The following NRG4 variants were observed in gnomAD, a reference collection of about 807,000 sequenced individuals.
NRG4 encodes the protein pro-neuregulin-4, membrane-bound isoform.
Under a neutral mutation model 15.0 loss-of-function variants are expected in NRG4, and 10 were observed. That is an observed-to-expected ratio of 0.67 (90% CI 0.41 to 1.13). The LOEUF is 1.13. Among genes scored for constraint, NRG4 ranks in the 50% most tolerant of loss-of-function variants. The pLI, the probability that NRG4 is intolerant of heterozygous loss-of-function variation, is 0.00. For synonymous variants in NRG4, 41 were observed against 50.1 expected, an observed-to-expected ratio of 0.82 and a Z score of 0.77; for missense variants, 139 against 140.2, an observed-to-expected ratio of 0.99 and a Z score of 0.04.
chr15:75,985,561 T>C (rs1234997986), intron 3 of NRG4, among the ~76,000 whole-genome samples: 1 of 152,210 alleles, frequency 6.6e-6, no homozygotes, highest in Non-Finnish European at 1.5e-5. Flanking sequence ...ACAATGCTTA[T>C]ACAGTTCAGG....
chr15:76,044,559 G>C (rs1010454586), intron 4 of NRG4, among the ~76,000 whole-genome samples: 7 of 150,140 alleles, frequency 4.7e-5, no homozygotes, highest in African/African-American at 1.7e-4. Flanking sequence ...GAGTAGGCCG[G>C]GTGCAGTGGC....
chr15:76,043,391 T>G (rs1177819316), intron 4 of NRG4, among the ~76,000 whole-genome samples: 1 of 152,178 alleles, frequency 6.6e-6, no homozygotes, highest in Non-Finnish European at 1.5e-5. Context: ...GATCTTATAC[T>G]TGGAAAAACC....
In NRG4 at chr15:75,991,427, G is replaced by A. The variant is rs74891118; in HGVS notation, c.104+17773C>T. On this transcript the variant is annotated intron_variant, in intron 3 of 5. Transcript: ENST00000394907. ...GCGATGGGCAAGATTTAGCCCATGG[G>A]TCATAGTTTGCTGATCTTTGCCCTA... is the stretch of plus-strand genomic sequence containing the variant. 9.9e-3 allele frequency among the ~76,000 whole-genome samples: 1,504 copies of A among 152,238 alleles called. 28 individuals are homozygous for A. Among genetic ancestry groups the A allele is most frequent in the African/African-American group, 0.033 (1,390 of 41,526 alleles).
At chr15:76,007,167 G>A (rs1034467902) in intron 3 of NRG4, among the ~76,000 whole-genome samples, 8 of 150,982 alleles carry the variant, frequency 5.3e-5, no homozygotes, top group Non-Finnish European at 1.0e-4. Context: ...TCATTGAGTC[G>A]AAGAATAAAG....
intron 4 of NRG4, among the ~76,000 whole-genome samples, chr15:76,048,471 CAA>C (rs35429006): frequency 0.046 from 3,438 of 73,936 alleles, 174 homozygotes; most frequent in African/African-American, 0.16. Flanking sequence ...GACTCTGACT[CAA>C]AAAAAAAAAA....
intron 3 of NRG4, among the ~76,000 whole-genome samples, chr15:76,005,014 A>G (rs752219071): frequency 2.0e-5 from 3 of 152,284 alleles, no homozygotes; most frequent in Non-Finnish European, 2.9e-5. Flanking sequence ...CACATATTTT[A>G]TATGTTTTAT....
intron 3 of NRG4, among the ~76,000 whole-genome samples, chr15:75,989,934 T>C (rs551772223): frequency 5.9e-5 from 9 of 152,182 alleles, no homozygotes; most frequent in Admixed American, 1.3e-4. Context: ...TTGATTCTTT[T>C]AAGGCTTGGT....
chr15:75,979,819 G>A (rs2033531088), intron 3 of NRG4, among the ~76,000 whole-genome samples: 1 of 151,994 alleles, frequency 6.6e-6, no homozygotes, highest in South Asian at 2.1e-4. Context: ...TCCTATATAT[G>A]CCCATTCTCA....
chr15:76,038,468 C>G (rs1945754888), intron 4 of NRG4, among the ~76,000 whole-genome samples: 4 of 152,190 alleles, frequency 2.6e-5, no homozygotes, highest in Admixed American at 6.5e-5. Flanking sequence ...TTGGTGGTAG[C>G]CTGGCAGTAC....
chr15:76,040,729 A>C (rs1160856369), intron 4 of NRG4, among the ~76,000 whole-genome samples: 2 of 152,216 alleles, frequency 1.3e-5, no homozygotes, highest in South Asian at 2.1e-4. Flanking sequence ...GTTCGAGACC[A>C]GCCTGGCCAA....
chr15:76,044,806 AC>A (rs750927929), intron 4 of NRG4, among the ~76,000 whole-genome samples: 9 of 146,026 alleles, frequency 6.2e-5, no homozygotes, highest in Non-Finnish European at 1.3e-4. Context: ...ATACCACTGC[AC>A]TCCAACCTGG....
At chr15:76,051,131 A>T (rs979653409) in intron 4 of NRG4, among the ~76,000 whole-genome samples, 24 of 146,714 alleles carry the variant, frequency 1.6e-4, no homozygotes, top group Admixed American at 1.6e-3. Context: ...TCAGCCTCCC[A>T]AGTAGCTGGG....
upstream of NRG4, among the ~76,000 whole-genome samples, chr15:76,013,340 T>A (rs942311644): frequency 5.3e-5 from 8 of 150,794 alleles, 1 homozygote; most frequent in African/African-American, 4.9e-5. Context: ...AAAAAAAAAA[T>A]GTTCATTATT....
chr15:76,012,855 C>T (rs1002881345), upstream of NRG4, among the ~76,000 whole-genome samples: 2 of 152,126 alleles, frequency 1.3e-5, no homozygotes, highest in East Asian at 3.9e-4. Context: ...AAGGTAATAG[C>T]TATAATAAAA....
chr15:75,956,997 G>C (rs1424998369), intron 4 of NRG4, among the ~76,000 whole-genome samples: 1 of 151,550 alleles, frequency 6.6e-6, no homozygotes, highest in African/African-American at 2.4e-5. Flanking sequence ...TATACACTTT[G>C]ATTTTCTATT....
At chr15:76,009,383 T>G in intron 2 of NRG4, 90 bp from the exon 3 acceptor site, 1 of 582,860 alleles carries the variant, frequency 1.7e-6, no homozygotes, top group Non-Finnish European at 3.0e-6. Context: ...TAAACTGAAG[T>G]AGCAATTCTG....
At chr15:76,021,893 AT>A (rs1312734106) in intron 5 of NRG4, among the ~76,000 whole-genome samples, 3 of 152,114 alleles carry the variant, frequency 2.0e-5, no homozygotes, top group South Asian at 2.1e-4. Flanking sequence ...ATGGAAGACA[AT>A]TTTTCCATGG....
At position 76,050,808 on chromosome 15, in the gene NRG4, AT is replaced by A. The variant is rs1253621582; in HGVS notation, c.-105+1258del. Among the ~76,000 whole-genome samples, 425 of 138,074 alleles carry A rather than the reference AT, an allele frequency of 3.1e-3. 12 individuals are homozygous for A. The highest frequency in any genetic ancestry group is 7.9e-3 in the African/African-American group (289 of 36,358). 90.6% of individuals were successfully genotyped at this position (138,074 alleles called of 152,430 possible). On this transcript the variant is annotated intron_variant, in intron 4 of 8. Coordinates refer to the NRG4 transcript ENST00000563910. ...TCCAGACTCCTGTTCTCCAAAACTA[AT>A]TTTTTTTTTTTTAAGATATGGGGTC...
chr15:76,050,437 GT>G lies in NRG4; in HGVS notation c.-105+1629del, dbSNP rs71444951. Reference sequence around the variant, plus strand: ...AGCATTATTGTCACCCCGAGCCTTCGTTTTTTTTTTTTTTTTTTTTTTGAAA... The same window carrying G: ...AGCATTATTGTCACCCCGAGCCTTCGTTTTTTTTTTTTTTTTTTTTTGAAA... On this transcript the variant is annotated intron_variant, in intron 4 of 8. Transcript: ENST00000563910. 3.8e-3 allele frequency among the ~76,000 whole-genome samples: 353 copies of G among 91,864 alleles called. 2 individuals are homozygous for G. Among genetic ancestry groups the G allele is most frequent in the South Asian group, 0.023 (59 of 2,536 alleles). The allele number at this position is 91,864 out of a possible 152,430, so 60.3% of individuals were successfully genotyped here. A position where few individuals can be genotyped will look rare whatever the true frequency, so the allele number is the denominator to read the frequency against.
Sources: allele counts gnomAD v4.1 joint callset (sites outside exome capture counted in the v4.1 genomes callset), GRCh38; gene constraint gnomAD v4.1.1; transcripts MANE v1.5; gene names NCBI Gene and HGNC (gene_info 2026-07-23, HGNC 2026-07-21).